TLK1: variants seen among roughly 807,000 people sequenced by gnomAD.
The protein encoded by TLK1 is serine/threonine-protein kinase tousled-like 1.
Under a neutral mutation model 105.3 loss-of-function variants are expected in TLK1, and 24 were observed. The observed-to-expected ratio is 0.23, with a 90% CI of 0.17 to 0.32. TLK1 has a LOEUF of 0.32. Ranked by LOEUF, TLK1 falls within the 10% of genes least tolerant of loss-of-function variation. The probability of loss-of-function intolerance (pLI) is 1.00; values close to 1 mark genes in which losing one functional copy is unlikely to be tolerated. For synonymous variants in TLK1, 321 were observed against 310.4 expected, an observed-to-expected ratio of 1.03 and a Z score of -0.36; for missense variants, 558 against 910.5, an observed-to-expected ratio of 0.61 and a Z score of 4.98.
chr2:170,993,697 G>GAAAA lies in TLK1; in HGVS notation c.*79_*82dup. 2 of 649,112 alleles carry GAAAA rather than the reference G, an allele frequency of 3.1e-6. No homozygotes were observed. The highest frequency in any genetic ancestry group is 4.9e-5 in the South Asian group (1 of 20,230). The allele number at this position is 649,112 out of a possible 1,614,324, so 40.2% of individuals were successfully genotyped here. A position where few individuals can be genotyped will look rare whatever the true frequency, so the allele number is the denominator to read the frequency against. ...AAAAAAAAAAAAAAAAAAAGAAAAA[G>GAAAA]AAAACAAACACTCAAATGCTCTCAA... On this transcript the variant is annotated 3_prime_UTR_variant, in exon 21 of 21. Coordinates refer to ENST00000431350, the MANE Select transcript of TLK1 (RefSeq NM_012290.5).
intron 2 of TLK1, among the ~76,000 whole-genome samples, chr2:171,113,671 G>A (rs1349179560): frequency 1.3e-5 from 2 of 152,088 alleles, no homozygotes; most frequent in African/African-American, 4.8e-5. Context: ...TTAAAAAGAT[G>A]ATTTAAGAAG....
intron 1 of TLK1, among the ~76,000 whole-genome samples, chr2:171,148,890 A>AAAAAACATATAT (rs1445171800): frequency 1.4e-5 from 2 of 138,470 alleles, no homozygotes; most frequent in African/African-American, 5.4e-5. Flanking sequence ...AAAAAAAAAA[A>AAAAAACATATAT]ATATATATAT....
At chr2:171,012,428 C>T (rs1026811113) in intron 13 of TLK1, among the ~76,000 whole-genome samples, 3 of 151,946 alleles carry the variant, frequency 2.0e-5, no homozygotes, top group African/African-American at 7.2e-5. Flanking sequence ...CCAAAATGTA[C>T]ACTTTCAAAA....
intron 1 of TLK1, among the ~76,000 whole-genome samples, chr2:171,130,920 A>G (rs1691080210): frequency 6.6e-6 from 1 of 152,160 alleles, no homozygotes; most frequent in Non-Finnish European, 1.5e-5. Flanking sequence ...AATCCACATT[A>G]AGGTCATAAT....
intron 2 of TLK1, among the ~76,000 whole-genome samples, chr2:171,100,682 A>G (rs1195426079): frequency 1.3e-5 from 2 of 152,182 alleles, no homozygotes; most frequent in African/African-American, 4.8e-5. Context: ...ATAAGTGTTG[A>G]CAGGGATGTG....
At chr2:171,192,542 T>C (rs140827408) in intron 1 of TLK1, among the ~76,000 whole-genome samples, 1,868 of 152,182 alleles carry the variant, frequency 0.012, 20 homozygotes, top group Non-Finnish European at 0.018. Context: ...TAGCCGGGCA[T>C]GGTTGCACGT....
At chr2:171,100,478 C>T (rs1689640999) in intron 2 of TLK1, among the ~76,000 whole-genome samples, 1 of 152,152 alleles carries the variant, frequency 6.6e-6, no homozygotes. Context: ...CACATATCCA[C>T]TTCCCCTTTG....
At chr2:171,133,790 T>C (rs73013435) in intron 1 of TLK1, among the ~76,000 whole-genome samples, 20,437 of 151,018 alleles carry the variant, frequency 0.14, 2,367 homozygotes, top group African/African-American at 0.32. Context: ...TGAGTGTACA[T>C]AATGAGGTAT....
chr2:171,069,654 A>C (rs1688163045), intron 3 of TLK1, among the ~76,000 whole-genome samples: 1 of 152,194 alleles, frequency 6.6e-6, no homozygotes, highest in African/African-American at 2.4e-5. Context: ...GAACACATTA[A>C]GAATCATTTG....
chr2:171,173,917 C>T (rs1383454378), intron 1 of TLK1, among the ~76,000 whole-genome samples: 1 of 152,152 alleles, frequency 6.6e-6, no homozygotes, highest in African/African-American at 2.4e-5. Context: ...TCACCCCCAG[C>T]TCCCCATTTC....
intron 2 of TLK1, among the ~76,000 whole-genome samples, chr2:171,093,998 TG>T (rs1240536723): frequency 6.6e-6 from 1 of 152,194 alleles, no homozygotes; most frequent in African/African-American, 2.4e-5. Flanking sequence ...GAATGGATGC[TG>T]TGGCAAGAAA....
intron 1 of TLK1, among the ~76,000 whole-genome samples, chr2:171,214,592 C>A (rs140440028): frequency 4.5e-4 from 68 of 152,228 alleles, no homozygotes; most frequent in Non-Finnish European, 2.4e-4. Flanking sequence ...CCAGGCCCCA[C>A]CCTACAATTT....
At chr2:171,046,122 C>G in intron 11 of TLK1, 52 bp downstream of exon 11, 1 of 1,422,004 alleles carries the variant, frequency 7.0e-7, no homozygotes, top group Non-Finnish European at 9.4e-7. Context: ...TAGTAACATT[C>G]ACGCTCACTG....
At chr2:171,200,881 C>CTTT (rs34320208) in intron 1 of TLK1, among the ~76,000 whole-genome samples, 2 of 129,698 alleles carry the variant, frequency 1.5e-5, no homozygotes, top group African/African-American at 5.5e-5. Flanking sequence ...CAGATCCCTT[C>CTTT]TTTTTTTTTT....
At chr2:171,174,313 C>G (rs1692781378) in intron 1 of TLK1, among the ~76,000 whole-genome samples, 1 of 152,106 alleles carries the variant, frequency 6.6e-6, no homozygotes, top group South Asian at 2.1e-4. Flanking sequence ...TTTCCCCCAC[C>G]CTTTTCCTAA....
intron 4 of TLK1, 71 bp from the exon 5 acceptor site, chr2:171,058,268 G>A: frequency 1.5e-6 from 2 of 1,319,252 alleles, no homozygotes; most frequent in Non-Finnish European, 2.2e-6. Context: ...GAGTCCGCAG[G>A]ACATCAGCTA....
chr2:171,217,991 T>C (rs535254538), intron 1 of TLK1, among the ~76,000 whole-genome samples: 1 of 152,262 alleles, frequency 6.6e-6, no homozygotes, highest in South Asian at 2.1e-4. Context: ...TGGTGGTTCA[T>C]GCCTGTAATC....
At chr2:171,134,934 T>C (rs1691246675) in intron 1 of TLK1, among the ~76,000 whole-genome samples, 1 of 151,898 alleles carries the variant, frequency 6.6e-6, no homozygotes, top group African/African-American at 2.4e-5. Flanking sequence ...AATCCTGTCA[T>C]TTGAAACAAC....
chr2:171,064,210 T>C (rs1400040506), intron 3 of TLK1, among the ~76,000 whole-genome samples: 1 of 152,178 alleles, frequency 6.6e-6, no homozygotes, highest in Non-Finnish European at 1.5e-5. Context: ...TTTAAGACTG[T>C]TGTGCCCCAG....
Sources: allele counts gnomAD v4.1 joint callset (sites outside exome capture counted in the v4.1 genomes callset), GRCh38; gene constraint gnomAD v4.1.1; transcripts MANE v1.5; gene names NCBI Gene and HGNC (gene_info 2026-07-23, HGNC 2026-07-21).